TPM3: variants seen among roughly 807,000 people sequenced by gnomAD.
TPM3 encodes tropomyosin 3, also known as tropomyosin alpha-3 chain.
A neutral mutation model predicts 43.1 loss-of-function variants in TPM3; 16 were observed. The ratio of observed to expected loss-of-function variants is 0.37; its 90% CI spans 0.25 to 0.56. The LOEUF (loss-of-function observed/expected upper bound fraction) is 0.56, where lower values mean the gene tolerates loss of function less well. Among genes scored for constraint, TPM3 ranks in the 20% least tolerant of loss-of-function variants. The pLI is 0.77. For missense variants in TPM3, 176 were observed against 337.2 expected (o/e 0.52, Z 3.74); for synonymous variants, 101 against 116.9 (o/e 0.86, Z 0.88).
downstream of TPM3, among the ~76,000 whole-genome samples, chr1:154,161,558 CCT>C (rs1301243210): frequency 1.3e-5 from 2 of 151,098 alleles, no homozygotes; most frequent in African/African-American, 4.9e-5. Context: ...GCCTCAGCCT[CCT>C]GAGTAGCTGG....
downstream of TPM3, chr1:154,158,828 C>G: frequency 1.5e-6 from 1 of 679,662 alleles, no homozygotes; most frequent in South Asian, 1.5e-5. Context: ...AGGAAATCAA[C>G]ATTCTAACTG....
chr1:154,174,380 A>ATG (rs1662003397), intron 3 of TPM3, among the ~76,000 whole-genome samples: 1 of 86,378 alleles, frequency 1.2e-5, no homozygotes, highest in Non-Finnish European at 2.2e-5. Context: ...ATATATATAT[A>ATG]TATATATATA....
rs528454280 is a variant in TPM3 at position 154,168,081 on chromosome 1, T to C, written c.855-141A>G. The C allele has an allele frequency of 5.0e-5, 63 of 1,259,868 alleles. 1 individual carries two copies. The East Asian group carries it at 1.1e-3, about 23-fold the overall frequency. The allele number at this position is 1,259,868 out of a possible 1,614,324, so 78.0% of individuals were successfully genotyped here. On this transcript the variant is annotated intron_variant, in intron 9 of 9. Transcript: ENST00000651641. The stretch of plus-strand genomic sequence containing the variant: ...GAGCCAGACACTTCAGCCTGAGAAA[T>C]GTGGCTTCTTTTCAGGGTTAGTGGG...
intron 2 of TPM3, among the ~76,000 whole-genome samples, chr1:154,184,227 C>T (rs1438044545): frequency 1.3e-5 from 2 of 151,754 alleles, no homozygotes; most frequent in African/African-American, 4.8e-5. Flanking sequence ...TTAGTAGAGA[C>T]GGGGTTTCAC....
At chr1:154,171,387 T>G in intron 6 of TPM3, 26 bp downstream of exon 6, 1 of 1,613,890 alleles carries the variant, frequency 6.2e-7, no homozygotes. Flanking sequence ...CCCCAAAGCC[T>G]GTCACTTTCA....
Position 154,166,302 on chromosome 1 carries a change from T to G in TPM3, c.*1635A>C. ...GAGTACTACAGTGGCTATTTATAGG[T>G]GCAATCCCACTACTGATCAGCACAG... On this transcript the variant is annotated 3_prime_UTR_variant, in exon 10 of 10. Transcript: ENST00000651641. 4.4e-6 allele frequency: 1 copy of G among 228,338 alleles called. No homozygotes were observed. Among genetic ancestry groups the G allele is most frequent in the Non-Finnish European group, 8.7e-6 (1 of 115,264 alleles). The allele number at this position is 228,338 out of a possible 1,614,324, so 14.1% of individuals were successfully genotyped here. A position where few individuals can be genotyped will look rare whatever the true frequency, so the allele number is the denominator to read the frequency against.
intron 2 of TPM3, among the ~76,000 whole-genome samples, chr1:154,185,189 T>G (rs1347383065): frequency 2.0e-5 from 3 of 151,054 alleles, no homozygotes; most frequent in Non-Finnish European, 4.4e-5. Flanking sequence ...CTGGCCAACA[T>G]GGCAAAACCC....
At chr1:154,180,294 G>A (rs1448336943) in intron 2 of TPM3, among the ~76,000 whole-genome samples, 1 of 152,120 alleles carries the variant, frequency 6.6e-6, no homozygotes, top group African/African-American at 2.4e-5. Context: ...CTAACAGCAT[G>A]AGATACCATC....
rs968399911 is a variant in TPM3 at position 154,165,673 on chromosome 1, C to T, written c.*2264G>A. On this transcript the variant is annotated 3_prime_UTR_variant, in exon 10 of 10. Coordinates refer to ENST00000651641, the MANE Select transcript of TPM3 (RefSeq NM_152263.4). ...GTGTGGTGGCAGGCGCCTGTGATCT[C>T]AGCTACTCGGGAGGCTGAGGTGGGA... Among the ~76,000 whole-genome samples the T allele has an allele frequency of 2.6e-5, 4 of 151,072 alleles. No individual in the cohort carries two copies. Among genetic ancestry groups the T allele is most frequent in the African/African-American group, 9.7e-5 (4 of 41,064 alleles).
intron 2 of TPM3, among the ~76,000 whole-genome samples, chr1:154,187,742 T>C (rs1221143005): frequency 2.0e-5 from 3 of 151,608 alleles, no homozygotes; most frequent in Non-Finnish European, 4.4e-5. Context: ...AGACTTGTTC[T>C]TTTTCTTGCT....
intron 1 of TPM3, 187 bp downstream of exon 1, chr1:154,191,715 C>T: frequency 1.3e-6 from 2 of 1,530,556 alleles, no homozygotes; most frequent in Non-Finnish European, 1.7e-6. Flanking sequence ...ACTGACTTTC[C>T]CAAGGTCACA....
intron 2 of TPM3, among the ~76,000 whole-genome samples, chr1:154,176,467 G>A (rs1172201816): frequency 6.6e-6 from 1 of 151,890 alleles, no homozygotes; most frequent in Non-Finnish European, 1.5e-5. Flanking sequence ...TCCACAGGAA[G>A]AGTGTTTTAA....
chr1:154,190,906 G>T (rs1663652313), intron 2 of TPM3, among the ~76,000 whole-genome samples: 1 of 152,110 alleles, frequency 6.6e-6, no homozygotes, highest in Non-Finnish European at 1.5e-5. Flanking sequence ...TCTTTGTCCA[G>T]GTCCTGGGAA....
intron 5 of TPM3, chr1:154,171,867 G>C: frequency 3.6e-6 from 3 of 826,698 alleles, no homozygotes; most frequent in South Asian, 2.7e-5. Flanking sequence ...GGAAAGAAGA[G>C]ATGAAAGATG....
At chr1:154,172,371 A>G (rs771629769) in intron 5 of TPM3, 3 of 647,110 alleles carry the variant, frequency 4.6e-6, no homozygotes, top group Non-Finnish European at 5.9e-6. Flanking sequence ...CCCTTGCCCT[A>G]AGGTTCCCTA....
At chr1:154,169,279 G>A (rs1367366428) in intron 9 of TPM3, 26 bp downstream of exon 9, 2 of 1,612,622 alleles carry the variant, frequency 1.2e-6, no homozygotes, top group South Asian at 1.1e-5. Flanking sequence ...CAAGATCCCA[G>A]CCCCACTCTA....
intron 2 of TPM3, among the ~76,000 whole-genome samples, chr1:154,186,595 T>G (rs1462197562): frequency 6.6e-6 from 1 of 151,562 alleles, no homozygotes; most frequent in Non-Finnish European, 1.5e-5. Flanking sequence ...CTCTATGTCC[T>G]AACAATGCAC....
At chr1:154,178,204 T>C in intron 2 of TPM3, 2 of 985,252 alleles carry the variant, frequency 2.0e-6, no homozygotes, top group Non-Finnish European at 2.4e-6. Flanking sequence ...CAAACTGGAG[T>C]AGAAGATAAC....
chr1:154,167,816 C>A lies in TPM3; in HGVS notation c.*121G>T. ...AATACATAAGTTGCTTTTTGCTCCCCCATCCTAATGCCTTGGGGACCAGCC... is the reference window on the plus strand; with the variant it reads ...AATACATAAGTTGCTTTTTGCTCCCACATCCTAATGCCTTGGGGACCAGCC... On this transcript the variant is annotated 3_prime_UTR_variant, in exon 10 of 10. Coordinates refer to ENST00000651641, the MANE Select transcript of TPM3 (RefSeq NM_152263.4). 6.3e-7 allele frequency: 1 copy of A among 1,595,142 alleles called. No homozygotes were observed. Among genetic ancestry groups the A allele is most frequent in the Admixed American group, 1.8e-5 (1 of 56,296 alleles).
Sources: gnomAD v4.1 joint callset for allele counts (sites outside exome capture counted in the v4.1 genomes callset) on GRCh38, gnomAD v4.1.1 for gene constraint, MANE v1.5 for transcripts, NCBI Gene and HGNC (gene_info 2026-07-23, HGNC 2026-07-21) for gene names.